The following APBB1IP variants were observed in gnomAD, a reference collection of about 807,000 sequenced individuals.
APBB1IP encodes the protein amyloid beta precursor protein binding family B member 1 interacting protein.
A neutral mutation model predicts 64.9 loss-of-function variants in APBB1IP; 27 were observed. The observed-to-expected ratio is 0.42, with a 90% CI of 0.31 to 0.57. The LOEUF is 0.57. Among genes scored for constraint, APBB1IP ranks in the 20% least tolerant of loss-of-function variants. The pLI, the probability that APBB1IP is intolerant of heterozygous loss-of-function variation, is 0.20. For missense variants in APBB1IP, 812 were observed against 845.5 expected (o/e 0.96, Z 0.49); for synonymous variants, 392 against 331.0 (o/e 1.18, Z -2.00).
chr10:26,543,391 C>T (rs1231717104), intron 11 of APBB1IP, among the ~76,000 whole-genome samples: 2 of 150,382 alleles, frequency 1.3e-5, no homozygotes, highest in African/African-American at 2.5e-5. Context: ...CACTTGAACC[C>T]GGGAGGCGGA....
At chr10:26,560,344 GGT>G (rs756487009) in intron 12 of APBB1IP, 141 bp downstream of exon 12, 6 of 736,436 alleles carry the variant, frequency 8.1e-6, no homozygotes, top group Non-Finnish European at 1.4e-5. Flanking sequence ...TCGCCCAGTG[GGT>G]TTTCTAAATG....
chr10:26,464,677 G>A (rs1381910246), intron 2 of APBB1IP, among the ~76,000 whole-genome samples: 7 of 152,174 alleles, frequency 4.6e-5, no homozygotes, highest in Non-Finnish European at 1.0e-4. Flanking sequence ...CCAAAGTTCT[G>A]GGATTACAGG....
At chr10:26,532,573 C>G (rs185364353) in intron 8 of APBB1IP, among the ~76,000 whole-genome samples, 84 of 152,188 alleles carry the variant, frequency 5.5e-4, no homozygotes, top group African/African-American at 1.3e-3. Flanking sequence ...CCTCAAACTC[C>G]TGGGCTCAAG....
chr10:26,511,281 T>C (rs1836255991), intron 6 of APBB1IP, among the ~76,000 whole-genome samples: 1 of 151,876 alleles, frequency 6.6e-6, no homozygotes. Flanking sequence ...GAAGCAAAGG[T>C]TGCAGTGAGC....
Position 26,527,922 on chromosome 10 carries a change from C to G in APBB1IP, c.814-5517C>G, listed in dbSNP as rs1270430751. Among the ~76,000 whole-genome samples the G allele has an allele frequency of 2.0e-5, 3 of 152,060 alleles. No individual in the cohort carries two copies. The East Asian group carries it at 5.8e-4, about 29-fold the overall frequency. On this transcript the variant is annotated intron_variant, in intron 8 of 14. Coordinates refer to ENST00000376236, the MANE Select transcript of APBB1IP (RefSeq NM_019043.4). Reference sequence around the variant, plus strand: ...GGCCAGGCTGGTCTCGAACTCCTGACCTCAGGTGATCCAACAGCCTTGGCC... The same window carrying G: ...GGCCAGGCTGGTCTCGAACTCCTGAGCTCAGGTGATCCAACAGCCTTGGCC...
intron 8 of APBB1IP, among the ~76,000 whole-genome samples, chr10:26,520,620 C>T (rs1194575840): frequency 2.0e-5 from 3 of 152,166 alleles, no homozygotes; most frequent in African/African-American, 7.2e-5. Flanking sequence ...AATTCAGAGA[C>T]ATTAGTGATA....
At position 26,500,910 on chromosome 10, in the gene APBB1IP, G is replaced by A; in HGVS notation, c.252G>A (p.Gln84=). The change falls in exon 5 of 15, where the codon CAG becomes CAA. Residue 84 remains glutamine (Q), a synonymous_variant. Transcript: ENST00000376236. Reference sequence around the variant, plus strand: ...GTGAGGCTGAGCAGAGGACAATCCAGGCACAGAAAGAGTCCTTGCAGAATC... The same window carrying A: ...GTGAGGCTGAGCAGAGGACAATCCAAGCACAGAAAGAGTCCTTGCAGAATC... The part of the protein sequence containing the change: ...DISEAEQRTI[Q]AQKESLQNQH... 6.2e-7 allele frequency: 1 copy of A among 1,614,194 alleles called. No homozygotes were observed. Among genetic ancestry groups the A allele is most frequent in the Non-Finnish European group, 8.5e-7 (1 of 1,180,032 alleles).
At chr10:26,529,230 C>T (rs1330199625) in intron 8 of APBB1IP, among the ~76,000 whole-genome samples, 4 of 152,230 alleles carry the variant, frequency 2.6e-5, no homozygotes. Flanking sequence ...TTGAGTTCTG[C>T]TCACTACTTC....
chr10:26,538,352 C>A (rs890215570), intron 10 of APBB1IP, among the ~76,000 whole-genome samples: 1 of 151,190 alleles, frequency 6.6e-6, no homozygotes, highest in Non-Finnish European at 1.5e-5. Context: ...AGAAAGGTAC[C>A]ATGTTGCAGG....
intron 3 of APBB1IP, 152 bp from the exon 4 acceptor site, chr10:26,496,152 A>T: frequency 2.1e-6 from 1 of 485,562 alleles, no homozygotes; most frequent in Non-Finnish European, 3.6e-6. Flanking sequence ...GAAAAATTAC[A>T]TAAAACATTT....
chr10:26,458,257 A>G (rs927643560), intron 2 of APBB1IP, among the ~76,000 whole-genome samples: 3 of 152,114 alleles, frequency 2.0e-5, no homozygotes, highest in South Asian at 4.1e-4. Flanking sequence ...GCGAGGTGGC[A>G]TGCACCCTTA....
rs1187259631 is a variant in APBB1IP at position 26,567,022 on chromosome 10, C to T, written c.1535C>T (p.Pro512Leu). 1 of 1,564,138 alleles carries T rather than the reference C, an allele frequency of 6.4e-7. No individual in the cohort carries two copies. The highest frequency in any genetic ancestry group is 1.1e-5 in the South Asian group (1 of 88,894). The change falls in exon 15 of 15, where the codon CCC becomes CTC. Residue 512 changes from proline (P) to leucine (L), a missense_variant. Transcript: ENST00000376236. ...GCAGTGCCCCGGGCCCCGCACGCCC[C>T]CAAGTCCAGCCTGCCCCCGCCCCCT... ...DPAVPRAPHA[P>L]KSSLPPPPPV...
chr10:26,558,912 C>T (rs1434111123), intron 11 of APBB1IP, among the ~76,000 whole-genome samples: 3 of 152,208 alleles, frequency 2.0e-5, no homozygotes, highest in Non-Finnish European at 4.4e-5. Flanking sequence ...GCAACCGGAA[C>T]CATTGCTTAG....
intron 8 of APBB1IP, among the ~76,000 whole-genome samples, chr10:26,528,754 T>C (rs868474774): frequency 5.3e-5 from 8 of 152,096 alleles, no homozygotes; most frequent in African/African-American, 7.2e-5. Flanking sequence ...CTGGGCAACA[T>C]AGCAAGACCC....
intron 10 of APBB1IP, among the ~76,000 whole-genome samples, chr10:26,540,652 G>A (rs150210037): frequency 9.3e-4 from 141 of 152,218 alleles, no homozygotes; most frequent in African/African-American, 3.3e-3. Flanking sequence ...AAATAGTTCT[G>A]CCATCTATTC....
intron 10 of APBB1IP, among the ~76,000 whole-genome samples, chr10:26,537,900 C>T (rs1588610480): frequency 6.8e-6 from 1 of 146,498 alleles, no homozygotes; most frequent in Non-Finnish European, 1.5e-5. Context: ...TGCCGCTGCA[C>T]TCCAGCCTGG....
chr10:26,461,532 CT>C (rs756385380), intron 2 of APBB1IP, among the ~76,000 whole-genome samples: 2,581 of 147,784 alleles, frequency 0.017, 38 homozygotes, highest in South Asian at 0.029. Flanking sequence ...TAGGAATAAT[CT>C]TTTTTTTTTA....
chr10:26,518,244 C>A (rs535598984), intron 8 of APBB1IP, among the ~76,000 whole-genome samples: 1 of 141,986 alleles, frequency 7.0e-6, no homozygotes, highest in African/African-American at 2.6e-5. Context: ...TGAGCCACCG[C>A]GCCCAGCCTA....
intron 2 of APBB1IP, among the ~76,000 whole-genome samples, chr10:26,462,368 G>A (rs1045585453): frequency 3.9e-5 from 6 of 152,180 alleles, no homozygotes; most frequent in African/African-American, 1.4e-4. Flanking sequence ...AATGATGGTT[G>A]CCATTGGTTT....
Sources: gnomAD v4.1 joint callset for allele counts (sites outside exome capture counted in the v4.1 genomes callset) on GRCh38, gnomAD v4.1.1 for gene constraint, MANE v1.5 for transcripts, NCBI Gene and HGNC (gene_info 2026-07-23, HGNC 2026-07-21) for gene names.